SLCO1A2: variants seen among roughly 807,000 people sequenced by gnomAD.
The protein encoded by SLCO1A2 is OATP-1.
A neutral mutation model predicts 69.0 loss-of-function variants in SLCO1A2; 67 were observed. The observed-to-expected ratio is 0.97, with a 90% CI of 0.80 to 1.19. SLCO1A2 has a LOEUF of 1.19. SLCO1A2 is among the 50% of genes most tolerant of loss of function. The pLI is 0.00. For synonymous variants in SLCO1A2, 260 were observed against 265.9 expected (o/e 0.98, Z 0.22); for missense variants, 787 against 793.7 (o/e 0.99, Z 0.10).
intron 1 of SLCO1A2, among the ~76,000 whole-genome samples, chr12:21,394,366 TACACACAC>T (rs71043268): frequency 2.0e-5 from 3 of 147,502 alleles, no homozygotes; most frequent in Non-Finnish European, 3.0e-5. Context: ...ACCACATCTT[TACACACAC>T]ACACACACAC....
upstream of SLCO1A2, among the ~76,000 whole-genome samples, chr12:21,396,977 T>G (rs1391572963): frequency 5.4e-5 from 8 of 149,122 alleles, no homozygotes; most frequent in Non-Finnish European, 7.4e-5. Flanking sequence ...ACGAGCAAAA[T>G]AACCAGCTAA....
chr12:21,336,904 T>G (rs1952909289), upstream of SLCO1A2, among the ~76,000 whole-genome samples: 1 of 152,030 alleles, frequency 6.6e-6, no homozygotes, highest in Admixed American at 6.6e-5. Flanking sequence ...GAAAAAGACA[T>G]GCTGAAGTTT....
chr12:21,274,620 A>G lies in SLCO1A2; in HGVS notation c.1676-34T>C, dbSNP rs780695875. 17 of 1,284,840 alleles carry G rather than the reference A, an allele frequency of 1.3e-5. No homozygotes were observed. The South Asian group carries it at 2.0e-4, about 15-fold the overall frequency. The allele number at this position is 1,284,840 out of a possible 1,614,324, so 79.6% of individuals were successfully genotyped here. ...GACAGGGAAAGAAAAATCTATCAACAAGAATTAAGATACTTGATTTATTTG... is the reference window on the plus strand; with the variant it reads ...GACAGGGAAAGAAAAATCTATCAACGAGAATTAAGATACTTGATTTATTTG... On this transcript the variant is annotated intron_variant, in intron 13 of 14. Coordinates refer to ENST00000683939, the MANE Select transcript of SLCO1A2 (RefSeq NM_001386879.1).
intron 6 of SLCO1A2, among the ~76,000 whole-genome samples, chr12:21,303,423 T>A (rs530963285): frequency 6.6e-6 from 1 of 152,172 alleles, no homozygotes; most frequent in Admixed American, 6.6e-5. Flanking sequence ...ATTAATGAGT[T>A]GCCAAAATGT....
At chr12:21,388,382 G>A (rs1940990795) in intron 1 of SLCO1A2, among the ~76,000 whole-genome samples, 1 of 152,150 alleles carries the variant, frequency 6.6e-6, no homozygotes, top group Non-Finnish European at 1.5e-5. Flanking sequence ...AAGGGACCCA[G>A]TGGGAGGTAA....
At chr12:21,315,039 T>C (rs1359706233) in intron 3 of SLCO1A2, among the ~76,000 whole-genome samples, 1 of 152,196 alleles carries the variant, frequency 6.6e-6, no homozygotes. Context: ...GGTGTCAGCC[T>C]GCATGTGACC....
chr12:21,397,617 T>C (rs1178208687), upstream of SLCO1A2, among the ~76,000 whole-genome samples: 1 of 151,966 alleles, frequency 6.6e-6, no homozygotes, highest in Non-Finnish European at 1.5e-5. Context: ...GACCACATAC[T>C]GGGAAGTAAA....
At chr12:21,403,748 TCAAA>T (rs1385515639) in intron 1 of SLCO1A2, 3 of 150,260 alleles carry the variant, frequency 2.0e-5, no homozygotes, top group African/African-American at 7.3e-5. Context: ...GGTTGTTTTT[TCAAA>T]CAGTTAACTC....
chr12:21,272,774 A>AT (rs1255286429), intron 14 of SLCO1A2, among the ~76,000 whole-genome samples: 1 of 152,080 alleles, frequency 6.6e-6, no homozygotes, highest in Non-Finnish European at 1.5e-5. Flanking sequence ...ACTTAGGCTT[A>AT]TTTTTTAACT....
intron 4 of SLCO1A2, among the ~76,000 whole-genome samples, chr12:21,307,895 C>CT: frequency 6.6e-6 from 1 of 152,126 alleles, no homozygotes; most frequent in East Asian, 1.9e-4. Flanking sequence ...CCCCTTAGAA[C>CT]AATTGCTCAT....
Position 21,319,588 on chromosome 12 carries a change from T to TA in SLCO1A2, c.61-666dup, listed in dbSNP as rs1428498762. ...TTTTCAGGGTTTCTCAGCTGCAGTGTAAATGGAGGACCACACAAAAATGAG... is the reference window on the plus strand; with the variant it reads ...TTTTCAGGGTTTCTCAGCTGCAGTGTAAAATGGAGGACCACACAAAAATGAG... On this transcript the variant is annotated intron_variant, in intron 2 of 14. Coordinates refer to ENST00000683939, the MANE Select transcript of SLCO1A2 (RefSeq NM_001386879.1). The TA allele has an allele frequency of 6.0e-5, 39 of 647,770 alleles. No individual in the cohort carries two copies. In the Admixed American group the frequency reaches 1.1e-3, roughly 18 times the overall value. 40.1% of individuals were successfully genotyped at this position (647,770 alleles called of 1,614,324 possible).
chr12:21,269,745 C>T lies in SLCO1A2; in HGVS notation c.1816G>A (p.Ala606Thr), dbSNP rs771609017. 28 of 1,610,254 alleles carry T rather than the reference C, an allele frequency of 1.7e-5. No individual in the cohort carries two copies. The highest frequency in any genetic ancestry group is 2.4e-5 in the Non-Finnish European group (28 of 1,177,768). The change falls in exon 15 of 15, where the codon GCA becomes ACA. Residue 606 changes from alanine to threonine, a missense_variant. By Grantham distance (58) the Ala-to-Thr change is moderately conservative. Transcript: ENST00000683939. ...ACAAAGCTTGATCCTCTTAGTGCTGCCGGCAATCCGAGGTAGATGTATCTA... is the reference window on the plus strand; with the variant it reads ...ACAAAGCTTGATCCTCTTAGTGCTGTCGGCAATCCGAGGTAGATGTATCTA... ...TFRYIYLGLP[A>T]ALRGSSFVPA...
intron 1 of SLCO1A2, among the ~76,000 whole-genome samples, chr12:21,401,614 G>T (rs1941707620): frequency 6.6e-6 from 1 of 151,394 alleles, no homozygotes. Flanking sequence ...AATTTTAAAT[G>T]ATTTTTAATT....
intron 14 of SLCO1A2, among the ~76,000 whole-genome samples, chr12:21,271,239 C>T (rs961612717): frequency 5.3e-5 from 8 of 151,806 alleles, no homozygotes; most frequent in African/African-American, 1.2e-4. Flanking sequence ...TGAATTTAGT[C>T]GCTTGACTTA....
chr12:21,368,253 T>C (rs1939533590), intron 2 of SLCO1A2, among the ~76,000 whole-genome samples: 1 of 151,942 alleles, frequency 6.6e-6, no homozygotes, highest in Non-Finnish European at 1.5e-5. Context: ...AAACTACAAG[T>C]ATAGAGGAAA....
At chr12:21,416,498 A>G (rs1249030276) in intron 1 of SLCO1A2, among the ~76,000 whole-genome samples, 2 of 151,804 alleles carry the variant, frequency 1.3e-5, no homozygotes, top group African/African-American at 4.8e-5. Context: ...TTTTTTTAAC[A>G]TTGTAATTCC....
rs759005682 is a variant in SLCO1A2, at chr12:21,304,571, A to C, written c.445T>G (p.Cys149Gly). The change falls in exon 6 of 15, where the codon TGT (cysteine) becomes GGT (glycine). Residue 149 changes from cysteine to glycine, a missense_variant and splice_region_variant. Physicochemically the swap from Cys to Gly is radical, Grantham distance 159. Transcript: ENST00000683939. ...ILRPTQDPSE[C>G]TKEVKSLMWV... The stretch of plus-strand genomic sequence containing the variant: ...ATTAATGATTTAACTTCCTTTGTAC[A>C]CTCTGCATTAAAAAAAAAAGACATG... 2 of 1,580,186 alleles carry C rather than the reference A, an allele frequency of 1.3e-6. No homozygotes were observed. Among genetic ancestry groups the C allele is most frequent in the South Asian group, 1.1e-5 (1 of 87,256 alleles).
At chr12:21,382,342 GA>G (rs1320871689) in intron 1 of SLCO1A2, among the ~76,000 whole-genome samples, 1 of 152,134 alleles carries the variant, frequency 6.6e-6, no homozygotes, top group African/African-American at 2.4e-5. Context: ...GGGAGGGTGA[GA>G]GGGGGCCAGG....
At chr12:21,274,732 G>A (rs1351552025) in intron 13 of SLCO1A2, 146 bp from the exon 14 acceptor site, 2 of 728,034 alleles carry the variant, frequency 2.7e-6, no homozygotes, top group Non-Finnish European at 4.3e-6. Flanking sequence ...GAAATGATGA[G>A]TTACTTTTAC....
Sources: gnomAD v4.1 joint callset for allele counts (sites outside exome capture counted in the v4.1 genomes callset) on GRCh38, gnomAD v4.1.1 for gene constraint, MANE v1.5 for transcripts, NCBI Gene and HGNC (gene_info 2026-07-23, HGNC 2026-07-21) for gene names.